The following DSCAM variants were observed in gnomAD, a reference collection of about 807,000 sequenced individuals.
The protein encoded by DSCAM is cell adhesion molecule DSCAM.
A neutral mutation model predicts 217.7 loss-of-function variants in DSCAM; 47 were observed. The observed-to-expected ratio is 0.22, with a 90% confidence interval of 0.17 to 0.28. The LOEUF is 0.28. Ranked by LOEUF, DSCAM falls within the 10% of genes least tolerant of loss-of-function variation. The pLI is 1.00. For missense variants in DSCAM, 2,080 were observed against 2,618.3 expected (o/e 0.79, Z 4.49); for synonymous variants, 1,056 against 1,015.3 (o/e 1.04, Z -0.76).
At chr21:40,661,234 C>A (rs111897273) in intron 3 of DSCAM, among the ~76,000 whole-genome samples, 1 of 152,104 alleles carries the variant, frequency 6.6e-6, no homozygotes, top group African/African-American at 2.4e-5. Flanking sequence ...TTCACAAATA[C>A]GTTGCAGAGG....
intron 3 of DSCAM, among the ~76,000 whole-genome samples, chr21:40,682,947 C>T (rs2090430797): frequency 3.7e-5 from 2 of 54,044 alleles, no homozygotes; most frequent in South Asian, 6.7e-4. Flanking sequence ...AAGGTTAAAT[C>T]GGGTCATAAG....
At chr21:40,403,352 C>T (rs551553852) in intron 3 of DSCAM, among the ~76,000 whole-genome samples, 224 of 150,602 alleles carry the variant, frequency 1.5e-3, no homozygotes, top group African/African-American at 5.2e-3. Flanking sequence ...GGCTGGAGTG[C>T]AGTGATGCAA....
intron 3 of DSCAM, among the ~76,000 whole-genome samples, chr21:40,446,108 A>G (rs1216769339): frequency 6.6e-6 from 1 of 152,226 alleles, no homozygotes; most frequent in African/African-American, 2.4e-5. Flanking sequence ...ATTACCTGAC[A>G]GACATCAAGA....
At chr21:40,539,320 G>A (rs1006848180) in intron 3 of DSCAM, among the ~76,000 whole-genome samples, 6 of 142,148 alleles carry the variant, frequency 4.2e-5, no homozygotes, top group African/African-American at 1.5e-4. Context: ...GTGCAACGCC[G>A]TCGTCTCTAC....
chr21:40,683,743 T>A (rs188045760), intron 3 of DSCAM, among the ~76,000 whole-genome samples: 4 of 151,938 alleles, frequency 2.6e-5, no homozygotes, highest in Admixed American at 2.6e-4. Context: ...GTAGAAAGGG[T>A]CATCTGAAGA....
intron 3 of DSCAM, among the ~76,000 whole-genome samples, chr21:40,641,490 T>C (rs1348473878): frequency 6.6e-6 from 1 of 152,136 alleles, no homozygotes; most frequent in East Asian, 1.9e-4. Context: ...AAGCAGACGG[T>C]TATTTGAGTG....
At chr21:40,369,010 G>A in intron 4 of DSCAM, 89 bp downstream of exon 4, 1 of 1,379,366 alleles carries the variant, frequency 7.2e-7, no homozygotes, top group South Asian at 2.1e-5. Flanking sequence ...CCATTTTAGT[G>A]GCAACACTCC....
At chr21:40,578,820 C>T (rs1399980111) in intron 3 of DSCAM, among the ~76,000 whole-genome samples, 2 of 152,082 alleles carry the variant, frequency 1.3e-5, no homozygotes, top group Non-Finnish European at 1.5e-5. Flanking sequence ...TAGAATCCAT[C>T]CCTGGGAATG....
chr21:40,062,929 G>A lies in DSCAM; in HGVS notation c.4889-30C>T, dbSNP rs780514852. The stretch of plus-strand genomic sequence containing the variant: ...GGAAAGAAAGTTAACATTAGTACAT[G>A]GTAAATAACTCATTAACATTCACTT... On this transcript the variant is annotated intron_variant, in intron 27 of 32. Coordinates refer to ENST00000400454, the MANE Select transcript of DSCAM (RefSeq NM_001389.5). 4 of 1,569,024 alleles carry A rather than the reference G, an allele frequency of 2.5e-6. No individual in the cohort carries two copies. The African/African-American group carries it at 4.1e-5, about 16-fold the overall frequency.
chr21:40,405,571 CA>C (rs1253417678), intron 3 of DSCAM, among the ~76,000 whole-genome samples: 1 of 152,076 alleles, frequency 6.6e-6, no homozygotes, highest in Non-Finnish European at 1.5e-5. Context: ...AGACAACCTA[CA>C]AAATGAAAGG....
chr21:40,212,166 C>T (rs953360757), intron 11 of DSCAM, among the ~76,000 whole-genome samples: 10 of 151,908 alleles, frequency 6.6e-5, no homozygotes, highest in African/African-American at 2.4e-4. Flanking sequence ...GACAGGGTTT[C>T]TCTGTGTTGG....
Position 40,537,887 on chromosome 21 carries a change from C to T in DSCAM, c.508+154923G>A, listed in dbSNP as rs534283929. On this transcript the variant is annotated intron_variant, in intron 3 of 32. Coordinates refer to ENST00000400454, the MANE Select transcript of DSCAM (RefSeq NM_001389.5). ...CCTTACAGCAGCCCCAACAAACCAA[C>T]GCTTCCCAAGCACCTTTCGCATTAT... Among the ~76,000 whole-genome samples the T allele has an allele frequency of 5.3e-5, 8 of 152,304 alleles. No individual in the cohort carries two copies. The East Asian group carries it at 5.8e-4, about 11-fold the overall frequency.
At chr21:40,475,863 A>G (rs1400235163) in intron 3 of DSCAM, among the ~76,000 whole-genome samples, 1 of 150,974 alleles carries the variant, frequency 6.6e-6, no homozygotes, top group Non-Finnish European at 1.5e-5. Context: ...AATTTAAAAA[A>G]AAACACATCA....
intron 1 of DSCAM, among the ~76,000 whole-genome samples, chr21:40,767,099 A>G (rs1601234723): frequency 1.3e-5 from 2 of 152,284 alleles, no homozygotes; most frequent in Admixed American, 1.3e-4. Flanking sequence ...CAAAAAAACT[A>G]ATTCACAAAG....
chr21:40,702,915 G>A (rs1263281487), intron 2 of DSCAM, among the ~76,000 whole-genome samples: 1 of 152,132 alleles, frequency 6.6e-6, no homozygotes, highest in Non-Finnish European at 1.5e-5. Flanking sequence ...TGTCTTCACT[G>A]TAGGCCTTAA....
At chr21:40,787,784 T>C (rs1396042001) in intron 1 of DSCAM, among the ~76,000 whole-genome samples, 2 of 151,718 alleles carry the variant, frequency 1.3e-5, no homozygotes, top group Non-Finnish European at 2.9e-5. Flanking sequence ...TAAGAGAGTA[T>C]AAGGATCAGA....
At chr21:40,588,841 A>G (rs2076964410) in intron 3 of DSCAM, among the ~76,000 whole-genome samples, 1 of 152,232 alleles carries the variant, frequency 6.6e-6, no homozygotes, top group African/African-American at 2.4e-5. Context: ...TTGACAGAGG[A>G]AGAAAAAGAA....
chr21:40,536,608 A>T (rs199507652), intron 3 of DSCAM, among the ~76,000 whole-genome samples: 1 of 152,008 alleles, frequency 6.6e-6, no homozygotes, highest in Non-Finnish European at 1.5e-5. Context: ...GGGTTTCACC[A>T]TGTTAGCCAG....
intron 3 of DSCAM, among the ~76,000 whole-genome samples, chr21:40,690,368 G>A (rs1330942319): frequency 6.6e-6 from 1 of 152,090 alleles, no homozygotes; most frequent in Non-Finnish European, 1.5e-5. Context: ...AAGTCTATTC[G>A]ACTCAGGTTG....
Sources: allele counts gnomAD v4.1 joint callset (sites outside exome capture counted in the v4.1 genomes callset), GRCh38; gene constraint gnomAD v4.1.1; transcripts MANE v1.5; gene names NCBI Gene and HGNC (gene_info 2026-07-23, HGNC 2026-07-21).